Variants in BTNL3 observed in about 807,000 individuals in gnomAD.
BTNL3 encodes the protein butyrophilin-like protein 3.
In BTNL3, 20 loss-of-function variants were observed where a neutral mutation model predicts 40.1. The ratio of observed to expected loss-of-function variants is 0.50; its 90% CI spans 0.35 to 0.72. The LOEUF is 0.72. Among genes scored for constraint, BTNL3 ranks in the 30% least tolerant of loss-of-function variants. The pLI, the probability that BTNL3 is intolerant of heterozygous loss-of-function variation, is 0.01. For synonymous variants in BTNL3, 179 were observed against 222.1 expected, an observed-to-expected ratio of 0.81 and a Z score of 1.73; for missense variants, 449 against 582.2, an observed-to-expected ratio of 0.77 and a Z score of 2.35.
intron 3 of BTNL3, among the ~76,000 whole-genome samples, chr5:180,998,220 G>C (rs10064834): frequency 0.19 from 25,554 of 136,082 alleles, 6,220 homozygotes; most frequent in African/African-American, 0.29. Flanking sequence ...GAATTGAACA[G>C]ATATATTAGT....
chr5:181,006,142 G>A lies in BTNL3; in HGVS notation c.*270G>A. ...GTGGGGACGGAATAGACTCACATTA[G>A]GTTTAGTTTGTGAAAACTCCATCCA... On this transcript the variant is annotated 3_prime_UTR_variant, in exon 8 of 8. Coordinates refer to ENST00000342868, the MANE Select transcript of BTNL3 (RefSeq NM_197975.3). The A allele has an allele frequency of 2.3e-6, 1 of 443,108 alleles. No homozygotes were observed. Among genetic ancestry groups the A allele is most frequent in the Non-Finnish European group, 3.9e-6 (1 of 253,798 alleles). 27.4% of individuals were successfully genotyped at this position (443,108 alleles called of 1,614,324 possible).
At chr5:181,002,479 T>TATATATATATATATATAC (rs1760135104) in intron 3 of BTNL3, among the ~76,000 whole-genome samples, 193 bp from the exon 4 acceptor site, 1 of 43,380 alleles carries the variant, frequency 2.3e-5, no homozygotes, top group Non-Finnish European at 4.2e-5. Context: ...TGAATATATA[T>TATATATATATATATATAC]ATATATATAT....
chr5:181,001,280 C>T (rs1187516760), intron 3 of BTNL3, among the ~76,000 whole-genome samples: 1 of 135,612 alleles, frequency 7.4e-6, no homozygotes, highest in African/African-American at 2.5e-5. Flanking sequence ...AATACAATTC[C>T]ATAGAAAAAT....
chr5:180,994,085 G>A (rs1760005830), intron 2 of BTNL3, among the ~76,000 whole-genome samples: 1 of 137,554 alleles, frequency 7.3e-6, no homozygotes. Context: ...TTACAGGTGT[G>A]AGCCACCACA....
intron 1 of BTNL3, 86 bp from the exon 2 acceptor site, chr5:180,992,727 C>T: frequency 7.2e-7 from 1 of 1,385,776 alleles, no homozygotes; most frequent in Non-Finnish European, 9.9e-7. Context: ...TCCCCCACCC[C>T]ATACCCCACA....
Position 180,988,894 on chromosome 5 carries a change from GCA to G in BTNL3, c.-132_-131del. On this transcript the variant is annotated 5_prime_UTR_variant, in exon 1 of 8. It introduces an in-frame stop codon into an upstream open reading frame of the 5' UTR. Transcript: ENST00000342868. ...GTTTAGGGAGGCTCTAGGGAGAAATGCACAGTTTGACATCGTTCATGAAGAGC... is the reference window on the plus strand; with the variant it reads ...GTTTAGGGAGGCTCTAGGGAGAAATGCAGTTTGACATCGTTCATGAAGAGC... 1.9e-6 allele frequency: 2 copies of G among 1,043,514 alleles called. No individual in the cohort carries two copies. Among genetic ancestry groups the G allele is most frequent in the South Asian group, 2.9e-5 (2 of 69,594 alleles). The allele number at this position is 1,043,514 out of a possible 1,614,324, so 64.6% of individuals were successfully genotyped here.
rs1399751010 is a variant in BTNL3 at position 180,995,806 on chromosome 5, G to A, written c.398-1407G>A. Among the ~76,000 whole-genome samples the A allele has an allele frequency of 1.5e-5, 2 of 135,560 alleles. 1 individual carries two copies. Among genetic ancestry groups the A allele is most frequent in the African/African-American group, 5.1e-5 (2 of 39,466 alleles). 88.9% of individuals were successfully genotyped at this position (135,560 alleles called of 152,430 possible). ...CTGCTGGAGGTGGGAGTGGGGGAGT[G>A]GTCATAGGATGCTCAGCTGCTGTGT... On this transcript the variant is annotated intron_variant, in intron 2 of 7. Transcript: ENST00000342868.
intron 3 of BTNL3, among the ~76,000 whole-genome samples, chr5:181,000,490 A>G (rs1409476165): frequency 7.3e-6 from 1 of 137,172 alleles, no homozygotes; most frequent in African/African-American, 2.5e-5. Context: ...TACCGAAAAC[A>G]TTATACATAA....
Position 180,997,325 on chromosome 5 carries a change from A to C in BTNL3, c.510A>C (p.Pro170=). 6.8e-7 allele frequency: 1 copy of C among 1,464,868 alleles called. No individual in the cohort carries two copies. Among genetic ancestry groups the C allele is most frequent in the Non-Finnish European group, 9.4e-7 (1 of 1,059,542 alleles). 90.7% of individuals were successfully genotyped at this position (1,464,868 alleles called of 1,614,324 possible). A position where few individuals can be genotyped will look rare whatever the true frequency, so the allele number is the denominator to read the frequency against. The change falls in exon 3 of 8, where the codon CCA becomes CCC. Residue 170 remains proline (P), a synonymous_variant. Coordinates refer to ENST00000342868, the MANE Select transcript of BTNL3 (RefSeq NM_197975.3). ...AGCCCACAGCCAAGTGGAAAGGTCCACAAGGACAGGATTTGTCTTCAGACT... is the reference window on the plus strand; with the variant it reads ...AGCCCACAGCCAAGTGGAAAGGTCCCCAAGGACAGGATTTGTCTTCAGACT... ...FPQPTAKWKG[P]QGQDLSSDSR...
At position 181,004,718 on chromosome 5, in the gene BTNL3, C is replaced by T; in HGVS notation, c.836-18C>T. 3 of 1,614,218 alleles carry T rather than the reference C, an allele frequency of 1.9e-6. No homozygotes were observed. Among genetic ancestry groups the T allele is most frequent in the Non-Finnish European group, 2.5e-6 (3 of 1,180,046 alleles). ...CCACGTGAGCACGGAACTGCCTGCT[C>T]TCTCTGCTTGCTTTCAGAATTGAGA... On this transcript the variant is annotated intron_variant, in intron 6 of 7. Coordinates refer to ENST00000342868, the MANE Select transcript of BTNL3 (RefSeq NM_197975.3).
Position 180,990,572 on chromosome 5 carries a change from C to T in BTNL3, c.49+1495C>T, listed in dbSNP as rs577942042. On this transcript the variant is annotated intron_variant, in intron 1 of 7. Transcript: ENST00000342868. Reference sequence around the variant, plus strand: ...CCCCAGGGGAAGGAGTAAAGGGAGACGCTGTCGGCAAGACAAATGACAGCA... The same window carrying T: ...CCCCAGGGGAAGGAGTAAAGGGAGATGCTGTCGGCAAGACAAATGACAGCA... Among the ~76,000 whole-genome samples, 5 of 137,484 alleles carry T rather than the reference C, an allele frequency of 3.6e-5. 2 individuals carry two copies. The East Asian group carries it at 6.5e-4, about 18-fold the overall frequency. The allele number at this position is 137,484 out of a possible 152,430, so 90.2% of individuals were successfully genotyped here. A position where few individuals can be genotyped will look rare whatever the true frequency, so the allele number is the denominator to read the frequency against.
At chr5:180,990,354 G>A (rs1415342940) in intron 1 of BTNL3, among the ~76,000 whole-genome samples, 1 of 137,624 alleles carries the variant, frequency 7.3e-6, no homozygotes, top group Non-Finnish European at 1.7e-5. Flanking sequence ...CTATGAGCTT[G>A]TGGCTAATAA....
At chr5:180,989,827 C>G (rs1389051727) in intron 1 of BTNL3, among the ~76,000 whole-genome samples, 1 of 136,438 alleles carries the variant, frequency 7.3e-6, no homozygotes, top group Non-Finnish European at 1.7e-5. Context: ...GACTGTTTTG[C>G]TAAACAAAGC....
chr5:180,992,861 G>A lies in BTNL3; in HGVS notation c.98G>A (p.Gly33Glu), dbSNP rs1210985943. 8 of 1,462,990 alleles carry A rather than the reference G, an allele frequency of 5.5e-6. 2 individuals carry two copies. Among genetic ancestry groups the A allele is most frequent in the Non-Finnish European group, 7.6e-6 (8 of 1,058,848 alleles). 90.6% of individuals were successfully genotyped at this position (1,462,990 alleles called of 1,614,324 possible). A position where few individuals can be genotyped will look rare whatever the true frequency, so the allele number is the denominator to read the frequency against. The change falls in exon 2 of 8, where the codon GGG becomes GAG. Residue 33 changes from glycine (G) to glutamate (E), a missense_variant. Gly to Glu is a moderately conservative substitution (Grantham distance 98). This residue lies in a region of BTNL3 where 323 missense variants were observed against 464.9 expected (regional missense o/e 0.69). Coordinates refer to ENST00000342868, the MANE Select transcript of BTNL3 (RefSeq NM_197975.3). ...GPGKFVQALV[G>E]EDAVFSCSLF... is the part of the protein sequence containing the mutation. ...GGCAAGTTTGTCCAGGCCTTGGTGGGGGAGGACGCCGTGTTCTCCTGCTCC... is the reference window on the plus strand; with the variant it reads ...GGCAAGTTTGTCCAGGCCTTGGTGGAGGAGGACGCCGTGTTCTCCTGCTCC...
intron 7 of BTNL3, 78 bp downstream of exon 7, chr5:181,004,840 G>A: frequency 6.2e-7 from 1 of 1,613,494 alleles, no homozygotes. Context: ...CATCCAGCTT[G>A]TAGACAGCAA....
rs72650622 is a variant in BTNL3, at chr5:180,993,155, T to C, written c.392T>C (p.Val131Ala). ...GAGGAGGCCACCTGGGAGCTGCGGG[T>C]GGCAGGTCAGTTGTTTATTTATGAC... ...YDEEATWELR[V>A]AALGSLPLIS... is the part of the protein sequence containing the mutation. Residue 131 changes from valine to alanine, a missense_variant, in exon 2 of 8, where the codon GTG becomes GCG. By Grantham distance (64) the Val-to-Ala change is moderately conservative. Coordinates refer to ENST00000342868, the MANE Select transcript of BTNL3 (RefSeq NM_197975.3). 2.0e-3 allele frequency: 2,886 copies of C among 1,433,828 alleles called. 632 individuals carry two copies. In the East Asian group the frequency reaches 0.058, roughly 29 times the overall value. 88.8% of individuals were successfully genotyped at this position (1,433,828 alleles called of 1,614,324 possible). A position where few individuals can be genotyped will look rare whatever the true frequency, so the allele number is the denominator to read the frequency against.
intron 4 of BTNL3, among the ~76,000 whole-genome samples, chr5:181,003,595 C>A (rs1178860535): frequency 7.0e-6 from 1 of 143,746 alleles, no homozygotes; most frequent in Admixed American, 7.2e-5. Context: ...CCCCTCCCAG[C>A]CGCCTTCTCC....
chr5:180,994,747 G>A lies in BTNL3; in HGVS notation c.397+1587G>A, dbSNP rs1471216206. 3.0e-5 allele frequency among the ~76,000 whole-genome samples: 4 copies of A among 133,104 alleles called. 1 individual carries two copies. The highest frequency in any genetic ancestry group is 6.8e-5 in the Non-Finnish European group (4 of 58,682). 87.3% of individuals were successfully genotyped at this position (133,104 alleles called of 152,430 possible). ...AAATATTTTCCTCTCTTTTCATGCT[G>A]GTTAAGTTTCATTGTTGTATCCTGG... On this transcript the variant is annotated intron_variant, in intron 2 of 7. Coordinates refer to ENST00000342868, the MANE Select transcript of BTNL3 (RefSeq NM_197975.3).
Position 181,005,404 on chromosome 5 carries a change from T to C in BTNL3, c.933T>C (p.His311=), listed in dbSNP as rs555224699. The C allele has an allele frequency of 1.2e-6, 2 of 1,613,650 alleles. No homozygotes were observed. The highest frequency in any genetic ancestry group is 1.7e-6 in the Non-Finnish European group (2 of 1,179,942). Reference sequence around the variant, plus strand: ...TTTCTGATCTGAAAACTGTAACCCATAGAAAAGCTCCCCAGGAGGTGCCTC... The same window carrying C: ...TTTCTGATCTGAAAACTGTAACCCACAGAAAAGCTCCCCAGGAGGTGCCTC... ...LCVSDLKTVT[H]RKAPQEVPHS... The change falls in exon 8 of 8, where the codon CAT becomes CAC. Residue 311 remains histidine (H), a synonymous_variant. Transcript: ENST00000342868.
Sources: gnomAD v4.1 joint callset for allele counts (sites outside exome capture counted in the v4.1 genomes callset) on GRCh38, gnomAD v4.1.1 for gene constraint, gnomAD v4.1.1 regional missense constraint, MANE v1.5 for transcripts, NCBI Gene and HGNC (gene_info 2026-07-23, HGNC 2026-07-21) for gene names.